The following RAP1GAP2 variants were observed in gnomAD, a reference collection of about 807,000 sequenced individuals.
RAP1GAP2 encodes the protein rap1 GTPase-activating protein 2.
Under a neutral mutation model 95.0 loss-of-function variants are expected in RAP1GAP2, and 27 were observed. That is an observed-to-expected ratio of 0.28 (90% CI 0.21 to 0.39). The LOEUF (loss-of-function observed/expected upper bound fraction) is 0.39. RAP1GAP2 is among the 10% of genes least tolerant of loss of function. The pLI is 1.00. For synonymous variants in RAP1GAP2, 373 were observed against 380.9 expected (o/e 0.98, Z 0.24); for missense variants, 771 against 970.0 (o/e 0.79, Z 2.72).
In RAP1GAP2 at chr17:2,824,648, G is replaced by A. The variant is rs1181331553; in HGVS notation, c.80+24098G>A. Reference sequence around the variant, plus strand: ...CTAGCTACTCGGGAGGCTGAGGCAGGAGAATTGCTTGAACCTGGGAGGCGG... The same window carrying A: ...CTAGCTACTCGGGAGGCTGAGGCAGAAGAATTGCTTGAACCTGGGAGGCGG... On this transcript the variant is annotated intron_variant, in intron 2 of 24. Coordinates refer to ENST00000254695, the MANE Select transcript of RAP1GAP2 (RefSeq NM_015085.5). Among the ~76,000 whole-genome samples, 4 of 149,496 alleles carry A rather than the reference G, an allele frequency of 2.7e-5. No individual in the cohort carries two copies. The East Asian group carries it at 7.9e-4, about 30-fold the overall frequency.
chr17:2,853,993 G>C (rs1481816502), intron 2 of RAP1GAP2: 1 of 984,490 alleles, frequency 1.0e-6, no homozygotes, highest in Admixed American at 6.2e-5. Context: ...GGGCGGCCTC[G>C]CCATGTCCCA....
chr17:3,030,112 T>C (rs921564540), intron 22 of RAP1GAP2, among the ~76,000 whole-genome samples: 1 of 147,620 alleles, frequency 6.8e-6, no homozygotes, highest in Non-Finnish European at 1.5e-5. Context: ...TATACATATA[T>C]GTATATATTA....
At chr17:2,905,519 C>A (rs1274922058) in intron 3 of RAP1GAP2, among the ~76,000 whole-genome samples, 151 bp downstream of exon 3, 1 of 152,206 alleles carries the variant, frequency 6.6e-6, no homozygotes, top group Non-Finnish European at 1.5e-5. Flanking sequence ...TTCAGTTAAG[C>A]ACCAGTGCGG....
Position 2,927,414 on chromosome 17 carries a change from A to C in RAP1GAP2, c.165+22046A>C, listed in dbSNP as rs983925047. On this transcript the variant is annotated intron_variant, in intron 3 of 24. Coordinates refer to ENST00000254695, the MANE Select transcript of RAP1GAP2 (RefSeq NM_015085.5). ...GTGATCCGCCCGCCTTGGCCTCCCA[A>C]AGTGCTGGGATTACAGGCGTGAGCC... Among the ~76,000 whole-genome samples the C allele has an allele frequency of 2.8e-4, 42 of 152,006 alleles. 1 individual carries two copies. The highest frequency in any genetic ancestry group is 2.1e-4 in the South Asian group (1 of 4,824).
chr17:2,905,206 C>T (rs780415545), intron 2 of RAP1GAP2, 78 bp from the exon 3 acceptor site: 52 of 1,370,476 alleles, frequency 3.8e-5, no homozygotes, highest in Non-Finnish European at 5.1e-5. Context: ...AAACTGTGTC[C>T]GAGAGCCCAG....
chr17:2,760,723 C>T (rs1031066903), intron 1 of RAP1GAP2, among the ~76,000 whole-genome samples: 4 of 151,484 alleles, frequency 2.6e-5, no homozygotes, highest in African/African-American at 7.3e-5. Context: ...ATTCAAGATA[C>T]CGCATTACGT....
chr17:2,947,970 C>A (rs540757208), intron 3 of RAP1GAP2, among the ~76,000 whole-genome samples: 8 of 152,280 alleles, frequency 5.3e-5, no homozygotes, highest in African/African-American at 1.9e-4. Flanking sequence ...GTGCAAAACA[C>A]CTGCTCCTCC....
intron 2 of RAP1GAP2, among the ~76,000 whole-genome samples, chr17:2,898,636 G>T (rs948834836): frequency 6.6e-6 from 1 of 152,220 alleles, no homozygotes; most frequent in Admixed American, 6.5e-5. Context: ...ATGTGGGGCA[G>T]CGAGTGCCCA....
intron 3 of RAP1GAP2, among the ~76,000 whole-genome samples, chr17:2,940,397 G>C (rs1252948489): frequency 6.6e-6 from 1 of 152,238 alleles, no homozygotes; most frequent in Non-Finnish European, 1.5e-5. Flanking sequence ...AGGCTTCTCG[G>C]CTCCCTGCCG....
In RAP1GAP2 at chr17:2,902,686, G is replaced by A. The variant is rs1324217727; in HGVS notation, c.81-2598G>A. On this transcript the variant is annotated intron_variant, in intron 2 of 24. Coordinates refer to ENST00000254695, the MANE Select transcript of RAP1GAP2 (RefSeq NM_015085.5). This position sits in a 1 kb window ranked among gnomAD's most constrained non-coding sequence, Gnocchi z 4.1. ...AGGCATCATTTGGGAAATCCTTCTG[G>A]TCAGAAGCTGCCATGTGCTCCGACT... is the stretch of plus-strand genomic sequence containing the variant. 6.6e-6 allele frequency among the ~76,000 whole-genome samples: 1 copy of A among 152,126 alleles called. No individual in the cohort carries two copies. Among genetic ancestry groups the A allele is most frequent in the African/African-American group, 2.4e-5 (1 of 41,410 alleles).
intron 8 of RAP1GAP2, among the ~76,000 whole-genome samples, chr17:2,975,395 G>T (rs538694018): frequency 3.3e-5 from 5 of 152,134 alleles, no homozygotes; most frequent in Non-Finnish European, 7.4e-5. Context: ...GGTGTGGAAA[G>T]ATTTAAAATA....
intron 3 of RAP1GAP2, among the ~76,000 whole-genome samples, chr17:2,909,299 G>A (rs1356858716): frequency 1.3e-5 from 2 of 152,198 alleles, no homozygotes; most frequent in Non-Finnish European, 2.9e-5. Flanking sequence ...ATGGTGCAGA[G>A]TGCACAGTGG....
chr17:2,779,313 C>T (rs1409777420), intron 1 of RAP1GAP2, among the ~76,000 whole-genome samples: 1 of 152,122 alleles, frequency 6.6e-6, no homozygotes, highest in Non-Finnish European at 1.5e-5. Flanking sequence ...TGGTGATGGC[C>T]CCATAGCAAG....
At chr17:2,812,315 G>A (rs181838869) in intron 2 of RAP1GAP2, among the ~76,000 whole-genome samples, 16 of 152,268 alleles carry the variant, frequency 1.1e-4, no homozygotes, top group Middle Eastern at 3.4e-3. Flanking sequence ...TCTGTCACTG[G>A]GTTGAGAAGC....
At chr17:2,829,033 A>G (rs1281731591) in intron 2 of RAP1GAP2, among the ~76,000 whole-genome samples, 3 of 118,752 alleles carry the variant, frequency 2.5e-5, no homozygotes, top group Non-Finnish European at 3.2e-5. Flanking sequence ...CCCAGGCTGG[A>G]GTGCAGTGGC....
chr17:3,002,412 C>G (rs369576009), intron 14 of RAP1GAP2, among the ~76,000 whole-genome samples: 1 of 152,202 alleles, frequency 6.6e-6, no homozygotes, highest in African/African-American at 2.4e-5. Context: ...GAAGGCCAGA[C>G]GTGTGAATGA....
At chr17:2,961,843 A>G (rs753537005) in intron 4 of RAP1GAP2, among the ~76,000 whole-genome samples, 1 of 150,392 alleles carries the variant, frequency 6.6e-6, no homozygotes, top group African/African-American at 2.5e-5. Context: ...ACCAACAGGC[A>G]TGACTTCCTA....
intron 2 of RAP1GAP2, among the ~76,000 whole-genome samples, chr17:2,881,672 T>G (rs2073296779): frequency 6.6e-6 from 1 of 152,232 alleles, no homozygotes; most frequent in Admixed American, 6.5e-5. Flanking sequence ...ATATGGTAAT[T>G]GTTTGTGTAA....
At chr17:2,967,328 A>G (rs546895399) in intron 8 of RAP1GAP2, among the ~76,000 whole-genome samples, 24 of 152,152 alleles carry the variant, frequency 1.6e-4, no homozygotes, top group Non-Finnish European at 3.4e-4. Context: ...CAAGGATCGC[A>G]CCACTGCACT....
Sources: allele counts gnomAD v4.1 joint callset (sites outside exome capture counted in the v4.1 genomes callset), GRCh38; gene constraint gnomAD v4.1.1; non-coding constraint Gnocchi (gnomAD v3.1); transcripts MANE v1.5; gene names NCBI Gene and HGNC (gene_info 2026-07-23, HGNC 2026-07-21).